The following KCNJ10 variants were observed in gnomAD, a reference collection of about 807,000 sequenced individuals.
The protein encoded by KCNJ10 is ATP-sensitive inward rectifier potassium channel 10.
Under a neutral mutation model 22.2 loss-of-function variants are expected in KCNJ10, and 9 were observed. That is an observed-to-expected ratio of 0.40 (90% CI 0.24 to 0.71). KCNJ10 has a LOEUF of 0.71. Among genes scored for constraint, KCNJ10 ranks in the 30% least tolerant of loss-of-function variants. The pLI is 0.35. For synonymous variants in KCNJ10, 184 were observed against 187.3 expected (o/e 0.98, Z 0.15); for missense variants, 337 against 482.7 (o/e 0.70, Z 2.83).
At chr1:160,051,390 A>G (rs958507023) in intron 1 of KCNJ10, among the ~76,000 whole-genome samples, 10 of 152,070 alleles carry the variant, frequency 6.6e-5, no homozygotes, top group African/African-American at 9.7e-5. Context: ...TCATCTTTTT[A>G]ACTCTGTAAA....
Position 160,041,372 on chromosome 1 carries a change from T to C in KCNJ10, c.*21A>G, listed in dbSNP as rs377019389. ...AAGAGAGGAAAAGAGACCAGAGGAA[T>C]GGGGGAGTGGGAACAGGTCATCAGA... is the stretch of plus-strand genomic sequence containing the variant. On this transcript the variant is annotated 3_prime_UTR_variant, in exon 2 of 2. Transcript: ENST00000644903. This position sits in a 1 kb window ranked among gnomAD's most constrained non-coding sequence, Gnocchi z 4.4. 1,918 of 1,608,080 alleles carry C rather than the reference T, an allele frequency of 1.2e-3. No homozygotes were observed. The highest frequency in any genetic ancestry group is 1.5e-3 in the Non-Finnish European group (1,767 of 1,177,098).
chr1:160,058,708 T>A (rs1342084415), intron 1 of KCNJ10, among the ~76,000 whole-genome samples: 2 of 152,164 alleles, frequency 1.3e-5, no homozygotes, highest in Non-Finnish European at 2.9e-5. Flanking sequence ...AACAGAGTCC[T>A]TTATGACCTG....
Position 160,040,982 on chromosome 1 carries a change from T to G in KCNJ10, c.*411A>C. ...AGAGAGAGTCTTGCCTTTGGGAACT[T>G]GCTAGATGGAAAGGTAACAGAGGGA... On this transcript the variant is annotated 3_prime_UTR_variant, in exon 2 of 2. Coordinates refer to ENST00000644903, the MANE Select transcript of KCNJ10 (RefSeq NM_002241.5). 1 of 314,882 alleles carries G rather than the reference T, an allele frequency of 3.2e-6. No homozygotes were observed. The highest frequency in any genetic ancestry group is 5.9e-6 in the Non-Finnish European group (1 of 168,170). The allele number at this position is 314,882 out of a possible 1,614,324, so 19.5% of individuals were successfully genotyped here.
At chr1:160,047,815 G>A (rs918832018) in intron 1 of KCNJ10, among the ~76,000 whole-genome samples, 5 of 151,924 alleles carry the variant, frequency 3.3e-5, no homozygotes, top group South Asian at 2.1e-4. Context: ...ATCTCAGCTC[G>A]CTACAACCTC....
chr1:160,042,339 C>T lies in KCNJ10; in HGVS notation c.194G>A (p.Arg65His), dbSNP rs137853066. ...LWTTFIDMQW[R>H]YKLLLFSATF... The stretch of plus-strand genomic sequence containing the variant: ...CGCAGAGAAGAGCAGAAGCTTGTAG[C>T]GCCACTGCATGTCAATGAAGGTTGT... Residue 65 changes from arginine (R) to histidine (H), a missense_variant, in exon 2 of 2, where the codon CGC becomes CAC. Physicochemically the swap from Arg to His is conservative, Grantham distance 29. Around this residue, in one of 3 missense-constraint regions of KCNJ10, gnomAD observed 107 missense variants for 135.2 expected, o/e 0.79. Transcript: ENST00000644903. The T allele has an allele frequency of 3.7e-6, 6 of 1,612,960 alleles. No individual in the cohort carries two copies. Among genetic ancestry groups the T allele is most frequent in the African/African-American group, 1.3e-5 (1 of 75,030 alleles).
chr1:160,049,537 C>T (rs1648825931), intron 1 of KCNJ10, among the ~76,000 whole-genome samples: 1 of 151,486 alleles, frequency 6.6e-6, no homozygotes, highest in South Asian at 2.1e-4. Context: ...TTAAGTAATG[C>T]CTCTCTTTTC....
At chr1:160,052,698 G>A (rs950036073) in intron 1 of KCNJ10, among the ~76,000 whole-genome samples, 3 of 152,192 alleles carry the variant, frequency 2.0e-5, no homozygotes, top group Non-Finnish European at 2.9e-5. Flanking sequence ...TGGGAAGTAA[G>A]AGACTTGGGT....
intron 1 of KCNJ10, among the ~76,000 whole-genome samples, chr1:160,045,794 A>G (rs1259244493): frequency 1.3e-5 from 2 of 152,228 alleles, no homozygotes; most frequent in Non-Finnish European, 2.9e-5. Context: ...AGACAATCAG[A>G]AAGATATAAT....
At position 160,041,506 on chromosome 1, in the gene KCNJ10, G is replaced by A. The variant is rs753333164; in HGVS notation, c.1027C>T (p.Arg343Cys). 21 of 1,613,984 alleles carry A rather than the reference G, an allele frequency of 1.3e-5. No homozygotes were observed. The highest frequency in any genetic ancestry group is 4.5e-5 in the East Asian group (2 of 44,900). Reference protein sequence around the residue: ...VVKVASPSGLRDSTVRYGDPE... With the variant: ...VVKVASPSGLCDSTVRYGDPE... ...TCTCCGTAGCGTACAGTGCTGTCAC[G>A]GAGGCCACTAGGAGAGGCCACTTTC... The change falls in exon 2 of 2, where the codon CGT becomes TGT. Residue 343 changes from arginine (R) to cysteine (C), a missense_variant. Physicochemically the swap from Arg to Cys is radical, Grantham distance 180. This residue lies in a region of KCNJ10 where 65 missense variants were observed against 66.0 expected (regional missense o/e 0.98). Coordinates refer to ENST00000644903, the MANE Select transcript of KCNJ10 (RefSeq NM_002241.5). This position sits in a 1 kb window ranked among gnomAD's most constrained non-coding sequence, Gnocchi z 4.4.
In KCNJ10 at chr1:160,049,070, G is replaced by A. The variant is rs543112178; in HGVS notation, c.1-6538C>T. Among the ~76,000 whole-genome samples, 13 of 152,210 alleles carry A rather than the reference G, an allele frequency of 8.5e-5. No individual in the cohort carries two copies. The East Asian group carries it at 1.2e-3, about 14-fold the overall frequency. ...ATTAAGATTATAATCCTTGTTTTAC[G>A]AATGAGGAAACTGAGGCTCAGAGAG... On this transcript the variant is annotated intron_variant, in intron 1 of 1. Coordinates refer to ENST00000644903, the MANE Select transcript of KCNJ10 (RefSeq NM_002241.5).
intron 1 of KCNJ10, among the ~76,000 whole-genome samples, chr1:160,043,313 A>ACACG (rs1206934985): frequency 6.9e-6 from 1 of 144,804 alleles, no homozygotes; most frequent in Non-Finnish European, 1.6e-5. Context: ...ACACACACAC[A>ACACG]CAACCTTAAT....
intron 1 of KCNJ10, among the ~76,000 whole-genome samples, chr1:160,060,661 C>A (rs181179951): frequency 6.6e-6 from 1 of 152,326 alleles, no homozygotes; most frequent in East Asian, 1.9e-4. Flanking sequence ...CAGGCCCCAG[C>A]ACACCACTGT....
At chr1:160,058,341 T>C (rs951725701) in intron 1 of KCNJ10, among the ~76,000 whole-genome samples, 2 of 152,152 alleles carry the variant, frequency 1.3e-5, no homozygotes, top group Non-Finnish European at 2.9e-5. Context: ...CCCTACTCTC[T>C]ACAATGAGAG....
intron 1 of KCNJ10, among the ~76,000 whole-genome samples, chr1:160,061,043 C>G (rs1276111820): frequency 1.3e-5 from 2 of 152,038 alleles, no homozygotes; most frequent in Non-Finnish European, 2.9e-5. Context: ...CTTTCTAGAC[C>G]CAGAAGCCCA....
At position 160,046,155 on chromosome 1, in the gene KCNJ10, G is replaced by A. The variant is rs544973432; in HGVS notation, c.1-3623C>T. On this transcript the variant is annotated intron_variant, in intron 1 of 1. Coordinates refer to ENST00000644903, the MANE Select transcript of KCNJ10 (RefSeq NM_002241.5). The stretch of plus-strand genomic sequence containing the variant: ...CTGAAGTCCTAGCTTTGTTTATGTT[G>A]AGGGGAGATTCTACATATCTTGGAG... Among the ~76,000 whole-genome samples, 7 of 152,266 alleles carry A rather than the reference G, an allele frequency of 4.6e-5. No individual in the cohort carries two copies. In the East Asian group the frequency reaches 1.3e-3, roughly 29 times the overall value.
At chr1:160,052,677 A>T (rs752335800) in intron 1 of KCNJ10, among the ~76,000 whole-genome samples, 56 of 152,342 alleles carry the variant, frequency 3.7e-4, no homozygotes, top group Middle Eastern at 6.8e-3. Context: ...TTGGTGGAAC[A>T]TGCACTGGAC....
chr1:160,037,667 C>A lies in KCNJ10; in HGVS notation c.*3726G>T, dbSNP rs1299841107. On this transcript the variant is annotated 3_prime_UTR_variant, in exon 2 of 2. Coordinates refer to ENST00000644903, the MANE Select transcript of KCNJ10 (RefSeq NM_002241.5). ...AGCCTGGAGACCCATGCTAACTTTC[C>A]AGCAAAGGTAGTGTGTTACTGTACA... 6.6e-6 allele frequency: 1 copy of A among 152,158 alleles called. No individual in the cohort carries two copies. The highest frequency in any genetic ancestry group is 2.4e-5 in the African/African-American group (1 of 41,408). 9.4% of individuals were successfully genotyped at this position (152,158 alleles called of 1,614,324 possible). A position where few individuals can be genotyped will look rare whatever the true frequency, so the allele number is the denominator to read the frequency against.
chr1:160,059,058 C>A (rs1232799026), intron 1 of KCNJ10, among the ~76,000 whole-genome samples: 1 of 152,182 alleles, frequency 6.6e-6, no homozygotes, highest in African/African-American at 2.4e-5. Flanking sequence ...CGCTCCATGC[C>A]GTGCTTCATC....
chr1:160,054,276 G>T (rs1019656832), intron 1 of KCNJ10, among the ~76,000 whole-genome samples: 1 of 152,174 alleles, frequency 6.6e-6, no homozygotes, highest in Non-Finnish European at 1.5e-5. Context: ...ACAGGAGCTG[G>T]TCCTTTGTGA....
Sources: gnomAD v4.1 joint callset for allele counts (sites outside exome capture counted in the v4.1 genomes callset) on GRCh38, gnomAD v4.1.1 for gene constraint, gnomAD v4.1.1 regional missense constraint, Gnocchi (gnomAD v3.1) non-coding constraint, MANE v1.5 for transcripts, NCBI Gene and HGNC (gene_info 2026-07-23, HGNC 2026-07-21) for gene names.